Variants in WNT8B observed in about 807,000 individuals in gnomAD.
WNT8B encodes the protein protein Wnt-8b.
In WNT8B, 24 loss-of-function variants were observed where a neutral mutation model predicts 36.6. The ratio of observed to expected loss-of-function variants is 0.66; its 90% CI spans 0.48 to 0.92. WNT8B has a LOEUF of 0.92. WNT8B is among the 40% of genes least tolerant of loss of function. WNT8B has a pLI of 0.00. For missense variants in WNT8B, 402 were observed against 470.8 expected, an observed-to-expected ratio of 0.85 and a Z score of 1.35; for synonymous variants, 199 against 189.8, an observed-to-expected ratio of 1.05 and a Z score of -0.40.
chr10:100,463,811 T>A (rs1180129604), intron 1 of WNT8B, among the ~76,000 whole-genome samples: 2 of 152,232 alleles, frequency 1.3e-5, no homozygotes, highest in African/African-American at 4.8e-5. Context: ...GAAATTTATT[T>A]AATTTGTTCA....
intron 3 of WNT8B, among the ~76,000 whole-genome samples, 167 bp from the exon 4 acceptor site, chr10:100,480,831 G>A (rs1332401096): frequency 6.6e-6 from 1 of 152,226 alleles, no homozygotes; most frequent in South Asian, 2.1e-4. Flanking sequence ...TAGTGAGACC[G>A]ACTCTCTGCA....
Position 100,482,450 on chromosome 10 carries a change from C to T in WNT8B, c.690C>T (p.Gly230=), listed in dbSNP as rs1851128926. 2 of 1,604,976 alleles carry T rather than the reference C, an allele frequency of 1.2e-6. No individual in the cohort carries two copies. Among genetic ancestry groups the T allele is most frequent in the Non-Finnish European group, 8.5e-7 (1 of 1,179,854 alleles). Residue 230 remains glycine (G), a synonymous_variant, in exon 6 of 6, where the codon GGC becomes GGT. Transcript: ENST00000343737. The surrounding 1 kb of genome is among the most constrained non-coding windows in gnomAD (Gnocchi z 6.6). ...LLQGAGNSAA[G]RGAIADTFRS... Reference sequence around the variant, plus strand: ...AGGGTGCTGGCAACAGCGCGGCCGGCCGCGGCGCCATCGCCGACACCTTTC... The same window carrying T: ...AGGGTGCTGGCAACAGCGCGGCCGGTCGCGGCGCCATCGCCGACACCTTTC...
chr10:100,476,859 AC>A (rs1183517142), intron 1 of WNT8B, among the ~76,000 whole-genome samples: 1 of 152,252 alleles, frequency 6.6e-6, no homozygotes, highest in Non-Finnish European at 1.5e-5. Context: ...TGAACATCTT[AC>A]AACGTTAGTA....
At chr10:100,478,063 C>T (rs1851062157) in intron 1 of WNT8B, among the ~76,000 whole-genome samples, 2 of 151,876 alleles carry the variant, frequency 1.3e-5, no homozygotes, top group South Asian at 2.1e-4. Flanking sequence ...GGATTATGGG[C>T]GTGAGCCACT....
chr10:100,482,769 G>A lies in WNT8B; in HGVS notation c.1009G>A (p.Glu337Lys). ...RVTKYFCSRA[E>K]RPRGGAAHKP... ...CACCAAGTACTTCTGTAGCCGCGCAGAGCGGCCGCGGGGGGGCGCTGCGCA... is the reference window on the plus strand; with the variant it reads ...CACCAAGTACTTCTGTAGCCGCGCAAAGCGGCCGCGGGGGGGCGCTGCGCA... The change falls in exon 6 of 6, where the codon GAG (glutamate) becomes AAG (lysine). Residue 337 changes from glutamate to lysine, a missense_variant. Glu to Lys is a moderately conservative substitution (Grantham distance 56). Coordinates refer to ENST00000343737, the MANE Select transcript of WNT8B (RefSeq NM_003393.4). The surrounding 1 kb of genome is among the most constrained non-coding windows in gnomAD (Gnocchi z 6.6). 6.3e-7 allele frequency: 1 copy of A among 1,588,420 alleles called. No homozygotes were observed. The highest frequency in any genetic ancestry group is 2.3e-5 in the East Asian group (1 of 44,218).
At position 100,463,215 on chromosome 10, in the gene WNT8B, T is replaced by C; in HGVS notation, c.47T>C (p.Val16Ala). 1 of 1,613,968 alleles carries C rather than the reference T, an allele frequency of 6.2e-7. No homozygotes were observed. Among genetic ancestry groups the C allele is most frequent in the Non-Finnish European group, 8.5e-7 (1 of 1,179,932 alleles). The change falls in exon 1 of 6, where the codon GTC (valine) becomes GCC (alanine). Residue 16 changes from valine to alanine, a missense_variant. By Grantham distance (64) the Val-to-Ala change is moderately conservative. Coordinates refer to ENST00000343737, the MANE Select transcript of WNT8B (RefSeq NM_003393.4). Reference protein sequence around the residue: ...PSVYICLFTCVLQLSHSWSVN... With the variant: ...PSVYICLFTCALQLSHSWSVN... ...GTGTACATCTGTCTTTTCACCTGTGTCCTCCAACTCAGCCACAGCTGGTAA... is the reference window on the plus strand; with the variant it reads ...GTGTACATCTGTCTTTTCACCTGTGCCCTCCAACTCAGCCACAGCTGGTAA...
chr10:100,476,013 T>C (rs529034150), intron 1 of WNT8B, among the ~76,000 whole-genome samples: 188 of 152,002 alleles, frequency 1.2e-3, no homozygotes, highest in Non-Finnish European at 2.2e-3. Context: ...CCTTGGTGGC[T>C]GGGCGCGGTG....
chr10:100,471,865 G>A (rs947875667), intron 1 of WNT8B, among the ~76,000 whole-genome samples: 20 of 152,148 alleles, frequency 1.3e-4, no homozygotes, highest in Admixed American at 1.3e-3. Context: ...GGTCAGTCCT[G>A]GCAACACAAC....
intron 1 of WNT8B, among the ~76,000 whole-genome samples, chr10:100,476,182 G>A (rs1331686657): frequency 1.3e-5 from 2 of 152,034 alleles, no homozygotes; most frequent in African/African-American, 2.4e-5. Context: ...GGTGGCAGGT[G>A]CCTGTAGTCC....
chr10:100,478,581 GT>G (rs556313187), intron 1 of WNT8B, among the ~76,000 whole-genome samples: 74 of 144,756 alleles, frequency 5.1e-4, no homozygotes, highest in East Asian at 8.1e-4. Context: ...GTGTGTGTGT[GT>G]TTTTTTTTTT....
intron 1 of WNT8B, among the ~76,000 whole-genome samples, chr10:100,464,315 C>T (rs567623815): frequency 5.9e-5 from 9 of 152,138 alleles, no homozygotes; most frequent in African/African-American, 1.9e-4. Context: ...AGCAGAACCA[C>T]CAATTAGTCC....
chr10:100,470,782 C>A (rs897296483), intron 1 of WNT8B, among the ~76,000 whole-genome samples: 2 of 152,214 alleles, frequency 1.3e-5, no homozygotes, highest in Non-Finnish European at 2.9e-5. Context: ...CACTCTGTCG[C>A]CTAGGCTGGA....
At chr10:100,476,974 T>C (rs771122618) in intron 1 of WNT8B, among the ~76,000 whole-genome samples, 7 of 152,248 alleles carry the variant, frequency 4.6e-5, no homozygotes, top group Non-Finnish European at 1.0e-4. Flanking sequence ...TGTAGCCTTG[T>C]ATAACCACAG....
rs139539142 is a variant in WNT8B, at chr10:100,481,903, C to T, written c.368-9C>T. On this transcript the variant is annotated splice_polypyrimidine_tract_variant and intron_variant, in intron 4 of 5. Coordinates refer to ENST00000343737, the MANE Select transcript of WNT8B (RefSeq NM_003393.4). ...CTCAATGACCTGTCCTCCCTCTGCA[C>T]TTTTCCAGGGGGACAAGGCTGGCTG... The T allele has an allele frequency of 6.2e-7, 1 of 1,613,996 alleles. No homozygotes were observed. Among genetic ancestry groups the T allele is most frequent in the Non-Finnish European group, 8.5e-7 (1 of 1,179,964 alleles).
At chr10:100,475,374 CA>C (rs1227105556) in intron 1 of WNT8B, among the ~76,000 whole-genome samples, 2 of 151,746 alleles carry the variant, frequency 1.3e-5, no homozygotes, top group Non-Finnish European at 1.5e-5. Flanking sequence ...AAACAAACAA[CA>C]AAAAAAACAA....
chr10:100,482,778 CG>C lies in WNT8B; in HGVS notation c.1025del (p.Gly342AlafsTer27), dbSNP rs765366470. 3.8e-6 allele frequency: 6 copies of C among 1,585,818 alleles called. No individual in the cohort carries two copies. Among genetic ancestry groups the C allele is most frequent in the Admixed American group, 1.7e-5 (1 of 57,420 alleles). On this transcript the variant is annotated frameshift_variant, in exon 6 of 6. Transcript: ENST00000343737. LOFTEE classifies it high-confidence loss of function. This position sits in a 1 kb window ranked among gnomAD's most constrained non-coding sequence, Gnocchi z 6.6. ...CTTCTGTAGCCGCGCAGAGCGGCCGCGGGGGGGCGCTGCGCACAAACCCGGG... is the reference window on the plus strand; with the variant it reads ...CTTCTGTAGCCGCGCAGAGCGGCCGCGGGGGGCGCTGCGCACAAACCCGGG... ...KYFCSRAERP[R>X]GGAAHKPGRK...
At chr10:100,473,849 C>T (rs1851005084) in intron 1 of WNT8B, among the ~76,000 whole-genome samples, 1 of 152,058 alleles carries the variant, frequency 6.6e-6, no homozygotes, top group Non-Finnish European at 1.5e-5. Flanking sequence ...TTGCTTGAAC[C>T]CAGGAGGTGG....
chr10:100,480,265 C>G (rs1851093452), intron 3 of WNT8B, among the ~76,000 whole-genome samples: 1 of 152,186 alleles, frequency 6.6e-6, no homozygotes, highest in African/African-American at 2.4e-5. Flanking sequence ...CCATCCTTGG[C>G]CTCCCAGCTG....
Position 100,482,393 on chromosome 10 carries a change from G to T in WNT8B, c.633G>T (p.Lys211Asn), listed in dbSNP as rs550054927. ...FREVGAHLKE[K>N]YHAALKVDLL... ...AGGTGGGCGCGCACCTGAAGGAGAA[G>T]TACCACGCAGCACTCAAGGTGGACC... The change falls in exon 6 of 6, where the codon AAG becomes AAT. Residue 211 changes from lysine (K) to asparagine (N), a missense_variant. Physicochemically the swap from Lys to Asn is moderately conservative, Grantham distance 94 (BLOSUM62 0). Around this residue, in one of 3 missense-constraint regions of WNT8B, gnomAD observed 256 missense variants for 278.6 expected, o/e 0.92. Coordinates refer to ENST00000343737, the MANE Select transcript of WNT8B (RefSeq NM_003393.4). The surrounding 1 kb of genome is among the most constrained non-coding windows in gnomAD (Gnocchi z 6.6). 1.7e-5 allele frequency: 28 copies of T among 1,607,092 alleles called. No individual in the cohort carries two copies. In the Admixed American group the frequency reaches 2.8e-4, roughly 16 times the overall value.
Sources: gnomAD v4.1 joint callset for allele counts (sites outside exome capture counted in the v4.1 genomes callset) on GRCh38, gnomAD v4.1.1 for gene constraint, gnomAD v4.1.1 regional missense constraint, Gnocchi (gnomAD v3.1) non-coding constraint, MANE v1.5 for transcripts, NCBI Gene and HGNC (gene_info 2026-07-23, HGNC 2026-07-21) for gene names.